The following PHACTR3 variants were observed in gnomAD, a reference collection of about 807,000 sequenced individuals.
PHACTR3 encodes the protein protein phosphatase 1, regulatory subunit 123.
In PHACTR3, 16 loss-of-function variants were observed where a neutral mutation model predicts 66.8. The ratio of observed to expected loss-of-function variants is 0.24; its 90% CI spans 0.16 to 0.36. The LOEUF (loss-of-function observed/expected upper bound fraction) is 0.36, where lower values mean the gene tolerates loss of function less well. PHACTR3 is among the 10% of genes least tolerant of loss of function. The pLI, the probability that PHACTR3 is intolerant of heterozygous loss-of-function variation, is 1.00. For missense variants in PHACTR3, 647 were observed against 719.9 expected (o/e 0.90, Z 1.16); for synonymous variants, 323 against 292.1 (o/e 1.11, Z -1.08).
rs573281006 is a variant in PHACTR3 at position 59,782,827 on chromosome 20, A to G, written c.1174+8337A>G. ...GTGGGGACACAGCCAAACCATATCA[A>G]AATCCTAAGACAAATGTGTGACGCC... On this transcript the variant is annotated intron_variant, in intron 7 of 12. Transcript: ENST00000371015. Among the ~76,000 whole-genome samples, 5 of 152,284 alleles carry G rather than the reference A, an allele frequency of 3.3e-5. No individual in the cohort carries two copies. In the East Asian group the frequency reaches 9.7e-4, roughly 29 times the overall value.
intron 1 of PHACTR3, among the ~76,000 whole-genome samples, chr20:59,613,490 A>G (rs189546151): frequency 3.3e-5 from 5 of 151,936 alleles, no homozygotes; most frequent in Non-Finnish European, 7.4e-5. Flanking sequence ...TAGGACATCA[A>G]AAGGCTACTC....
chr20:59,599,631 A>C (rs551233640), upstream of PHACTR3, among the ~76,000 whole-genome samples: 11 of 152,174 alleles, frequency 7.2e-5, no homozygotes, highest in Admixed American at 1.3e-4. Context: ...CCCTGTTGTC[A>C]GTATCAGATT....
rs180682426 is a variant in PHACTR3, at chr20:59,595,220, T to G, written c.109+17603T>G. ...GCTCACACCTGTAATACCAGCACTT[T>G]GGGAGGCCGAGACGGGTGGATCACG... On this transcript the variant is annotated intron_variant, in intron 1 of 12. Coordinates refer to the PHACTR3 transcript ENST00000359926. Among the ~76,000 whole-genome samples the G allele has an allele frequency of 9.2e-5, 14 of 152,272 alleles. No individual in the cohort carries two copies. The East Asian group carries it at 2.5e-3, about 27-fold the overall frequency.
At chr20:59,812,263 C>T (rs6123947) in intron 8 of PHACTR3, among the ~76,000 whole-genome samples, 5,030 of 152,308 alleles carry the variant, frequency 0.033, 192 homozygotes, top group African/African-American at 0.097. Context: ...CTCCCAGGAA[C>T]GTGTGTGAGA....
intron 1 of PHACTR3, among the ~76,000 whole-genome samples, chr20:59,593,638 C>T (rs1416238426): frequency 6.6e-6 from 1 of 152,132 alleles, no homozygotes; most frequent in East Asian, 1.9e-4. Context: ...TTATATTTTA[C>T]ATTTAGTTCT....
chr20:59,811,140 C>T (rs952087986), intron 8 of PHACTR3, among the ~76,000 whole-genome samples: 18 of 152,242 alleles, frequency 1.2e-4, no homozygotes, highest in Non-Finnish European at 2.4e-4. Context: ...CCCAGGGCCA[C>T]GTAGCTTGCA....
chr20:59,609,028 G>C (rs1458804984), intron 1 of PHACTR3, among the ~76,000 whole-genome samples: 1 of 152,208 alleles, frequency 6.6e-6, no homozygotes, highest in Non-Finnish European at 1.5e-5. Flanking sequence ...CCCAGGCGCT[G>C]GTGTCTCAAC....
At chr20:59,665,551 G>A (rs904897812) in intron 1 of PHACTR3, among the ~76,000 whole-genome samples, 1 of 152,074 alleles carries the variant, frequency 6.6e-6, no homozygotes, top group East Asian at 1.9e-4. Context: ...CTACTTGGGG[G>A]CAGAAATAAG....
At chr20:59,595,088 A>AT (rs1485457871) in intron 1 of PHACTR3, among the ~76,000 whole-genome samples, 1 of 152,080 alleles carries the variant, frequency 6.6e-6, no homozygotes, top group South Asian at 2.1e-4. Context: ...ACATTTTGAG[A>AT]TTTTCCAGTT....
chr20:59,655,525 A>G (rs1223258681), intron 1 of PHACTR3, among the ~76,000 whole-genome samples: 2 of 151,904 alleles, frequency 1.3e-5, no homozygotes, highest in Admixed American at 6.6e-5. Flanking sequence ...GATTTTAGTA[A>G]TTTGAGTCTT....
intron 1 of PHACTR3, among the ~76,000 whole-genome samples, chr20:59,723,000 C>A (rs1322276137): frequency 2.0e-5 from 3 of 151,986 alleles, no homozygotes; most frequent in Non-Finnish European, 4.4e-5. Context: ...AGGCCCTGAC[C>A]ATCTTGGTTT....
chr20:59,750,269 C>T (rs1315606309), intron 3 of PHACTR3, among the ~76,000 whole-genome samples: 1 of 151,938 alleles, frequency 6.6e-6, no homozygotes. Context: ...GGCAGGAGGA[C>T]CTAGGCTGGT....
rs1477102948 is a variant in PHACTR3, at chr20:59,762,000, C to T, written c.542-5186C>T. 3.9e-5 allele frequency among the ~76,000 whole-genome samples: 6 copies of T among 152,306 alleles called. No individual in the cohort carries two copies. In the South Asian group the frequency reaches 1.2e-3, roughly 32 times the overall value. ...ACAGATGTTGCAATTTCAGTTTTGA[C>T]AAGATTCCAAAATACAACGGTGGCT... On this transcript the variant is annotated intron_variant, in intron 4 of 12. Transcript: ENST00000371015.
chr20:59,808,913 C>T (rs189949480), intron 8 of PHACTR3, among the ~76,000 whole-genome samples: 1 of 152,262 alleles, frequency 6.6e-6, no homozygotes, highest in East Asian at 1.9e-4. Context: ...GCATTCCTCC[C>T]GCCTTCCACT....
At chr20:59,808,698 G>A (rs1206212564) in intron 8 of PHACTR3, among the ~76,000 whole-genome samples, 5 of 152,206 alleles carry the variant, frequency 3.3e-5, no homozygotes, top group African/African-American at 9.7e-5. Context: ...GAAAATGCAG[G>A]TTCTGATGCT....
At chr20:59,832,694 A>T (rs552074422) in intron 8 of PHACTR3, among the ~76,000 whole-genome samples, 5 of 152,096 alleles carry the variant, frequency 3.3e-5, no homozygotes, top group Non-Finnish European at 4.4e-5. Flanking sequence ...CTCTCTCTCC[A>T]GCGATGCCAG....
At chr20:59,839,225 A>C (rs946655048) in intron 9 of PHACTR3, among the ~76,000 whole-genome samples, 1 of 152,086 alleles carries the variant, frequency 6.6e-6, no homozygotes, top group African/African-American at 2.4e-5. Flanking sequence ...GATACCTTAA[A>C]AGTATGGTTT....
At chr20:59,684,680 G>A (rs911371529) in intron 1 of PHACTR3, among the ~76,000 whole-genome samples, 4 of 152,166 alleles carry the variant, frequency 2.6e-5, no homozygotes, top group Admixed American at 1.3e-4. Flanking sequence ...AACCTCACCC[G>A]CAGGAATCCG....
chr20:59,724,319 T>A (rs1010625823), intron 1 of PHACTR3, among the ~76,000 whole-genome samples: 1 of 152,100 alleles, frequency 6.6e-6, no homozygotes, highest in Non-Finnish European at 1.5e-5. Flanking sequence ...ATTTCAACAG[T>A]GTATTTAAAC....
Sources: allele counts gnomAD v4.1 joint callset (sites outside exome capture counted in the v4.1 genomes callset), GRCh38; gene constraint gnomAD v4.1.1; transcripts MANE v1.5; gene names NCBI Gene and HGNC (gene_info 2026-07-23, HGNC 2026-07-21).